SYT9: variants seen among roughly 807,000 people sequenced by gnomAD.
The protein encoded by SYT9 is synaptotagmin 9, also known as synaptotagmin-9.
SYT9 carries 22 observed loss-of-function variants against 48.4 expected under a neutral mutation model. The ratio of observed to expected loss-of-function variants is 0.45; its 90% CI spans 0.32 to 0.65. The LOEUF (loss-of-function observed/expected upper bound fraction) is 0.65. Among genes scored for constraint, SYT9 ranks in the 30% least tolerant of loss-of-function variants. The pLI is 0.03. For missense variants in SYT9, 577 were observed against 622.0 expected, an observed-to-expected ratio of 0.93 and a Z score of 0.77; for synonymous variants, 265 against 245.0, an observed-to-expected ratio of 1.08 and a Z score of -0.76.
intron 3 of SYT9, among the ~76,000 whole-genome samples, chr11:7,382,033 T>G (rs1266578087): frequency 6.6e-6 from 1 of 152,124 alleles, no homozygotes; most frequent in Non-Finnish European, 1.5e-5. Flanking sequence ...CACTCACCTG[T>G]GTGTCAGTGC....
chr11:7,301,945 G>A (rs558108890), intron 1 of SYT9, among the ~76,000 whole-genome samples: 7 of 152,206 alleles, frequency 4.6e-5, no homozygotes, highest in Non-Finnish European at 1.0e-4. Context: ...CATAGTCACT[G>A]GATACTGAAC....
intron 3 of SYT9, among the ~76,000 whole-genome samples, chr11:7,399,340 T>G (rs1253860600): frequency 6.6e-6 from 1 of 152,144 alleles, no homozygotes; most frequent in African/African-American, 2.4e-5. Context: ...AAAATGGAGA[T>G]CTCAATCATG....
chr11:7,340,302 A>G (rs372101346), intron 3 of SYT9, among the ~76,000 whole-genome samples: 2 of 152,202 alleles, frequency 1.3e-5, no homozygotes, highest in South Asian at 2.1e-4. Flanking sequence ...TGAGTTTGCC[A>G]TTCTCCTAAA....
rs556593706 is a variant in SYT9, at chr11:7,446,554, C to T, written c.1468-20238C>T. On this transcript the variant is annotated intron_variant, in intron 6 of 6. Transcript: ENST00000318881. ...AACATGACAACTTCCTGATCCCAAA[C>T]ATTAGCATGTGGTATACCACAGGTA... is the stretch of plus-strand genomic sequence containing the variant. Among the ~76,000 whole-genome samples the T allele has an allele frequency of 2.8e-4, 42 of 152,304 alleles. No homozygotes were observed. In the South Asian group the frequency reaches 8.5e-3, roughly 31 times the overall value.
intron 6 of SYT9, chr11:7,453,948 T>C (rs1848104307): frequency 1.0e-6 from 1 of 978,220 alleles, no homozygotes; most frequent in Non-Finnish European, 1.2e-6. Flanking sequence ...GAAGAGGCCT[T>C]AAGCCCAGTC....
At chr11:7,240,508 G>A (rs745333947) in intron 1 of SYT9, among the ~76,000 whole-genome samples, 1 of 152,102 alleles carries the variant, frequency 6.6e-6, no homozygotes, top group Non-Finnish European at 1.5e-5. Context: ...ATAGTAAATG[G>A]CTGAAAACCA....
chr11:7,313,026 T>C (rs1308831023), intron 2 of SYT9, among the ~76,000 whole-genome samples: 2 of 151,952 alleles, frequency 1.3e-5, no homozygotes, highest in Non-Finnish European at 2.9e-5. Context: ...AGAATTATAT[T>C]ATATATAAAG....
chr11:7,465,134 C>G (rs1404684541), intron 6 of SYT9, among the ~76,000 whole-genome samples: 1 of 151,922 alleles, frequency 6.6e-6, no homozygotes, highest in Non-Finnish European at 1.5e-5. Context: ...AGGGTAGCAG[C>G]TGATCTGGCA....
Position 7,363,823 on chromosome 11 carries a change from C to T in SYT9, c.1044+49882C>T, listed in dbSNP as rs574829648. ...GAATGGAGAGGTGTCTGTTCAGCAA[C>T]ATAGGGGCACATTGGTGACAGCAAT... is the stretch of plus-strand genomic sequence containing the variant. On this transcript the variant is annotated intron_variant, in intron 3 of 6. Coordinates refer to ENST00000318881, the MANE Select transcript of SYT9 (RefSeq NM_175733.4). 8.5e-5 allele frequency among the ~76,000 whole-genome samples: 13 copies of T among 152,102 alleles called. No individual in the cohort carries two copies. In the South Asian group the frequency reaches 2.5e-3, roughly 29 times the overall value.
intron 3 of SYT9, among the ~76,000 whole-genome samples, chr11:7,321,920 AG>A (rs1253811677): frequency 6.6e-6 from 1 of 152,136 alleles, no homozygotes; most frequent in Non-Finnish European, 1.5e-5. Flanking sequence ...GATGTAAATG[AG>A]CAATGAGGGC....
chr11:7,414,638 C>G (rs7120023), intron 3 of SYT9, among the ~76,000 whole-genome samples: 49,255 of 151,824 alleles, frequency 0.32, 9,075 homozygotes, highest in African/African-American at 0.47. Context: ...CAGGAACCAG[C>G]AAAGCCTAGC....
Position 7,313,559 on chromosome 11 carries a change from G to T in SYT9, c.662G>T (p.Cys221Phe). The T allele has an allele frequency of 6.2e-7, 1 of 1,614,154 alleles. No homozygotes were observed. The highest frequency in any genetic ancestry group is 1.3e-5 in the African/African-American group (1 of 75,052). The change falls in exon 3 of 7, where the codon TGT becomes TTT. Residue 221 changes from cysteine to phenylalanine, a missense_variant. Transcript: ENST00000318881. ...GGGAGACGGAGTAACAGCAAGGCTT[G>T]TGGGAAACTGAACTTCATTTTAAAA... Reference protein sequence around the residue: ...DDGRRSNSKACGKLNFILKYD... With the variant: ...DDGRRSNSKAFGKLNFILKYD...
chr11:7,331,144 G>A (rs1849519945), intron 3 of SYT9, among the ~76,000 whole-genome samples: 1 of 150,464 alleles, frequency 6.6e-6, no homozygotes, highest in Non-Finnish European at 1.5e-5. Flanking sequence ...AAAAAGATGA[G>A]AGCAAATTCA....
At chr11:7,280,635 T>C (rs1262056589) in intron 1 of SYT9, among the ~76,000 whole-genome samples, 1 of 152,178 alleles carries the variant, frequency 6.6e-6, no homozygotes, top group Non-Finnish European at 1.5e-5. Context: ...GTATAAGTGC[T>C]CCCAGCCTGG....
upstream of SYT9, among the ~76,000 whole-genome samples, chr11:7,250,172 C>T (rs144396176): frequency 6.5e-4 from 99 of 152,274 alleles, no homozygotes; most frequent in African/African-American, 1.9e-3. Flanking sequence ...ACCCAGGTAA[C>T]GTTTTGAAAC....
chr11:7,449,146 C>G (rs1415091515), intron 6 of SYT9, among the ~76,000 whole-genome samples: 1 of 151,818 alleles, frequency 6.6e-6, no homozygotes, highest in Non-Finnish European at 1.5e-5. Flanking sequence ...GAGTTTGAGA[C>G]CAGCCTAGAC....
chr11:7,241,030 G>A, intron 1 of SYT9, among the ~76,000 whole-genome samples: 1 of 152,038 alleles, frequency 6.6e-6, no homozygotes, highest in East Asian at 1.9e-4. Context: ...GAAAGAAATA[G>A]TCTTCTATGG....
chr11:7,368,347 TTTG>T (rs1400282885), intron 3 of SYT9, among the ~76,000 whole-genome samples: 56 of 151,878 alleles, frequency 3.7e-4, no homozygotes, highest in Admixed American at 1.8e-3. Context: ...ATAATGGGGT[TTTG>T]TTGTTGTTGT....
At chr11:7,386,459 A>C (rs189895165) in intron 3 of SYT9, among the ~76,000 whole-genome samples, 9 of 151,828 alleles carry the variant, frequency 5.9e-5, no homozygotes, top group East Asian at 1.9e-4. Flanking sequence ...AAGAAAAAAA[A>C]AAACAACCCC....
Sources: allele counts gnomAD v4.1 joint callset (sites outside exome capture counted in the v4.1 genomes callset), GRCh38; gene constraint gnomAD v4.1.1; transcripts MANE v1.5; gene names NCBI Gene and HGNC (gene_info 2026-07-23, HGNC 2026-07-21).